The following C1QTNF7 variants were observed in gnomAD, a reference collection of about 807,000 sequenced individuals.
The protein encoded by C1QTNF7 is C1q and TNF related 7, also known as complement C1q tumor necrosis factor-related protein 7.
C1QTNF7 carries 15 observed loss-of-function variants against 19.6 expected under a neutral mutation model. That is an observed-to-expected ratio of 0.76 (90% CI 0.51 to 1.18). The LOEUF is 1.18. Among genes scored for constraint, C1QTNF7 ranks in the 50% most tolerant of loss-of-function variants. The pLI, the probability that C1QTNF7 is intolerant of heterozygous loss-of-function variation, is 0.00. For missense variants in C1QTNF7, 324 were observed against 359.7 expected, an observed-to-expected ratio of 0.90 and a Z score of 0.80; for synonymous variants, 142 against 137.5, an observed-to-expected ratio of 1.03 and a Z score of -0.23.
In C1QTNF7 at chr4:15,445,120, T is replaced by C. The variant is rs1405095744; in HGVS notation, c.*2321T>C. The C allele has an allele frequency of 6.6e-6, 1 of 152,244 alleles. No homozygotes were observed. Among genetic ancestry groups the C allele is most frequent in the African/African-American group, 2.4e-5 (1 of 41,458 alleles). The allele number at this position is 152,244 out of a possible 1,614,324, so 9.4% of individuals were successfully genotyped here. ...TTCCTGCCATACTTTGTGCACTTAT[T>C]GCTCTCCTTCTGAGTCAGGACATGT... On this transcript the variant is annotated 3_prime_UTR_variant, in exon 3 of 3. Coordinates refer to ENST00000444304, the MANE Select transcript of C1QTNF7 (RefSeq NM_031911.5).
chr4:15,411,311 C>A (rs1369722017), intron 1 of C1QTNF7, among the ~76,000 whole-genome samples: 1 of 151,976 alleles, frequency 6.6e-6, no homozygotes, highest in East Asian at 1.9e-4. Flanking sequence ...GATGAATGTG[C>A]AAGGAAGACT....
intron 1 of C1QTNF7, among the ~76,000 whole-genome samples, chr4:15,432,517 T>C (rs1712359953): frequency 6.6e-6 from 1 of 152,168 alleles, no homozygotes; most frequent in Non-Finnish European, 1.5e-5. Context: ...TGCCTCAGCC[T>C]CTCGAGTAGC....
chr4:15,363,863 A>G (rs1717425066), intron 1 of C1QTNF7, among the ~76,000 whole-genome samples: 2 of 152,216 alleles, frequency 1.3e-5, no homozygotes. Flanking sequence ...AAGATGTAAA[A>G]TGTGAAATGA....
At chr4:15,388,994 G>C (rs1284588955) in intron 1 of C1QTNF7, among the ~76,000 whole-genome samples, 1 of 152,196 alleles carries the variant, frequency 6.6e-6, no homozygotes, top group Non-Finnish European at 1.5e-5. Flanking sequence ...ATGAAGGGTT[G>C]AAAACAGCCT....
intron 1 of C1QTNF7, among the ~76,000 whole-genome samples, chr4:15,417,902 C>G (rs1711521477): frequency 6.6e-6 from 1 of 152,000 alleles, no homozygotes; most frequent in Non-Finnish European, 1.5e-5. Flanking sequence ...TTTAAACAAC[C>G]AGATCTCTCA....
At chr4:15,365,109 G>A (rs1717468795) in intron 1 of C1QTNF7, among the ~76,000 whole-genome samples, 2 of 152,092 alleles carry the variant, frequency 1.3e-5, no homozygotes, top group African/African-American at 4.8e-5. Flanking sequence ...AACATCCAGT[G>A]AAATGGGGAT....
intron 1 of C1QTNF7, among the ~76,000 whole-genome samples, chr4:15,393,335 C>T (rs990387910): frequency 6.6e-6 from 1 of 152,134 alleles, no homozygotes; most frequent in African/African-American, 2.4e-5. Context: ...CTGGAAACAA[C>T]GTGGGTCCCA....
chr4:15,342,251 T>A (rs1384185112), intron 1 of C1QTNF7, among the ~76,000 whole-genome samples: 1 of 152,050 alleles, frequency 6.6e-6, no homozygotes, highest in Admixed American at 6.5e-5. Context: ...ACCAATGAAC[T>A]GCCGGGAGTG....
intron 2 of C1QTNF7, among the ~76,000 whole-genome samples, chr4:15,439,534 G>A (rs892482334): frequency 6.6e-6 from 1 of 152,184 alleles, no homozygotes; most frequent in Non-Finnish European, 1.5e-5. Context: ...GCTTTGCCCA[G>A]TAAGTTTGGA....
At chr4:15,362,520 G>A (rs981267371) in intron 1 of C1QTNF7, 1 of 152,160 alleles carries the variant, frequency 6.6e-6, no homozygotes, top group African/African-American at 2.4e-5. Flanking sequence ...GTGTAGCTTT[G>A]TGTCTGCAAT....
intron 1 of C1QTNF7, among the ~76,000 whole-genome samples, chr4:15,356,183 G>A (rs1423444557): frequency 1.3e-5 from 2 of 152,020 alleles, no homozygotes; most frequent in Non-Finnish European, 2.9e-5. Flanking sequence ...CACGTGCCAT[G>A]GTGGTTTGCT....
chr4:15,340,266 A>G (rs1003232301), intron 1 of C1QTNF7: 1 of 1,534,924 alleles, frequency 6.5e-7, no homozygotes, highest in Non-Finnish European at 8.8e-7. Flanking sequence ...GCCTTCATCA[A>G]AATATTTCCT....
chr4:15,426,680 T>C (rs1712069648), upstream of C1QTNF7, among the ~76,000 whole-genome samples: 1 of 152,246 alleles, frequency 6.6e-6, no homozygotes. Context: ...ATTCTTTTAT[T>C]GGTCTACAAA....
chr4:15,445,649 G>A lies in C1QTNF7; in HGVS notation c.*2850G>A, dbSNP rs1712965384. 1 of 152,188 alleles carries A rather than the reference G, an allele frequency of 6.6e-6. No homozygotes were observed. The highest frequency in any genetic ancestry group is 2.1e-4 in the South Asian group (1 of 4,838). The allele number at this position is 152,188 out of a possible 1,614,324, so 9.4% of individuals were successfully genotyped here. A position where few individuals can be genotyped will look rare whatever the true frequency, so the allele number is the denominator to read the frequency against. On this transcript the variant is annotated 3_prime_UTR_variant, in exon 3 of 3. Transcript: ENST00000444304. Reference sequence around the variant, plus strand: ...CGAATAAAATCTTAAGCAAATATAGGTGTCTTTTATTCTTAAAAAATAGCA... The same window carrying A: ...CGAATAAAATCTTAAGCAAATATAGATGTCTTTTATTCTTAAAAAATAGCA...
At chr4:15,368,453 A>T (rs930084188) in intron 1 of C1QTNF7, among the ~76,000 whole-genome samples, 1 of 151,286 alleles carries the variant, frequency 6.6e-6, no homozygotes, top group Non-Finnish European at 1.5e-5. Context: ...CCCCAACCCC[A>T]TGACAGGCCC....
At chr4:15,401,415 G>A (rs1169522091) in intron 1 of C1QTNF7, among the ~76,000 whole-genome samples, 1 of 152,164 alleles carries the variant, frequency 6.6e-6, no homozygotes, top group African/African-American at 2.4e-5. Context: ...ACCTACTGGG[G>A]CCTGGTTAAC....
At chr4:15,412,817 G>A (rs769585231) in intron 1 of C1QTNF7, among the ~76,000 whole-genome samples, 5 of 152,212 alleles carry the variant, frequency 3.3e-5, no homozygotes, top group Non-Finnish European at 7.3e-5. Context: ...AGGCAAAACT[G>A]TTAGAATTCC....
chr4:15,408,780 T>C (rs1480780241), intron 1 of C1QTNF7, among the ~76,000 whole-genome samples: 11 of 152,172 alleles, frequency 7.2e-5, no homozygotes, highest in Admixed American at 4.6e-4. Context: ...CAGCTGCTCA[T>C]TGGTGGAGAG....
At position 15,435,769 on chromosome 4, in the gene C1QTNF7, G is replaced by A. The variant is rs1261647907; in HGVS notation, c.26G>A (p.Ser9Asn). 4 of 1,614,024 alleles carry A rather than the reference G, an allele frequency of 2.5e-6. No homozygotes were observed. Among genetic ancestry groups the A allele is most frequent in the Non-Finnish European group, 2.5e-6 (3 of 1,180,034 alleles). The part of the protein sequence containing the change: MFVLLYVT[S>N]FAICASGQPR... Reference sequence around the variant, plus strand: ...ATGTTTGTCTTGCTCTATGTTACAAGTTTTGCCATTTGTGCCAGTGGACAA... The same window carrying A: ...ATGTTTGTCTTGCTCTATGTTACAAATTTTGCCATTTGTGCCAGTGGACAA... Residue 9 changes from serine to asparagine, a missense_variant, in exon 2 of 3, where the codon AGT becomes AAT. Coordinates refer to ENST00000444304, the MANE Select transcript of C1QTNF7 (RefSeq NM_031911.5).
Sources: allele counts gnomAD v4.1 joint callset (sites outside exome capture counted in the v4.1 genomes callset), GRCh38; gene constraint gnomAD v4.1.1; transcripts MANE v1.5; gene names NCBI Gene and HGNC (gene_info 2026-07-23, HGNC 2026-07-21).